The following RAP1GDS1 variants were observed in gnomAD, a reference collection of about 807,000 sequenced individuals.
RAP1GDS1 encodes RAP1, GTP-GDP dissociation stimulator 1.
Under a neutral mutation model 71.1 loss-of-function variants are expected in RAP1GDS1, and 35 were observed. The ratio of observed to expected loss-of-function variants is 0.49; its 90% CI spans 0.38 to 0.65. The LOEUF (loss-of-function observed/expected upper bound fraction) is 0.65. Ranked by LOEUF, RAP1GDS1 falls within the 30% of genes least tolerant of loss-of-function variation. The pLI is 0.00. For synonymous variants in RAP1GDS1, 229 were observed against 243.1 expected (o/e 0.94, Z 0.54); for missense variants, 663 against 706.1 (o/e 0.94, Z 0.69).
intron 1 of RAP1GDS1, among the ~76,000 whole-genome samples, chr4:98,277,666 C>A (rs1560759691): frequency 1.3e-5 from 2 of 152,172 alleles, no homozygotes; most frequent in Non-Finnish European, 2.9e-5. Context: ...GATTTCAAAT[C>A]TCATTCAGTG....
At position 98,277,605 on chromosome 4, in the gene RAP1GDS1, G is replaced by A. The variant is rs527358275; in HGVS notation, c.5-15803G>A. ...TTTTCATAGTCTAACTCATTAAGAC[G>A]GCTTCTGAGTTCTACTGACCTCTCA... On this transcript the variant is annotated intron_variant, in intron 1 of 14. Coordinates refer to ENST00000408927, the MANE Select transcript of RAP1GDS1 (RefSeq NM_001100427.2). Among the ~76,000 whole-genome samples, 6 of 152,070 alleles carry A rather than the reference G, an allele frequency of 3.9e-5. No homozygotes were observed. The South Asian group carries it at 8.3e-4, about 21-fold the overall frequency.
intron 5 of RAP1GDS1, among the ~76,000 whole-genome samples, chr4:98,390,009 A>C (rs1743366482): frequency 6.6e-6 from 1 of 152,164 alleles, no homozygotes; most frequent in Admixed American, 6.6e-5. Context: ...GCTCACGCTT[A>C]CATACCTGAA....
In RAP1GDS1 at chr4:98,391,534, G is replaced by A. The variant is rs563300828; in HGVS notation, c.509-418G>A. Among the ~76,000 whole-genome samples the A allele has an allele frequency of 1.5e-4, 23 of 151,684 alleles. No homozygotes were observed. In the East Asian group the frequency reaches 4.3e-3, roughly 28 times the overall value. On this transcript the variant is annotated intron_variant, in intron 5 of 14. Coordinates refer to ENST00000408927, the MANE Select transcript of RAP1GDS1 (RefSeq NM_001100427.2). The stretch of plus-strand genomic sequence containing the variant: ...GATTCTAAGATTTTTTTCTTTCTTG[G>A]TCTTCATTAAACTTGCTACTTTTCT...
chr4:98,374,433 A>G (rs945176401), intron 4 of RAP1GDS1, among the ~76,000 whole-genome samples: 1 of 152,234 alleles, frequency 6.6e-6, no homozygotes, highest in South Asian at 2.1e-4. Flanking sequence ...TAACGTAGTC[A>G]TTATCGTTAA....
At chr4:98,307,613 T>A (rs112447802) in intron 2 of RAP1GDS1, among the ~76,000 whole-genome samples, 2,950 of 152,282 alleles carry the variant, frequency 0.019, 103 homozygotes, top group African/African-American at 0.067. Context: ...AATATTCCTT[T>A]GTATTTTGCA....
intron 4 of RAP1GDS1, among the ~76,000 whole-genome samples, chr4:98,361,457 A>G (rs1317142839): frequency 6.6e-6 from 1 of 152,194 alleles, no homozygotes; most frequent in Non-Finnish European, 1.5e-5. Flanking sequence ...TTTTGCTAAT[A>G]AAATGATACA....
intron 12 of RAP1GDS1, among the ~76,000 whole-genome samples, chr4:98,428,889 A>G (rs1388123086): frequency 6.6e-6 from 1 of 152,210 alleles, no homozygotes; most frequent in African/African-American, 2.4e-5. Context: ...ATACTTGCAC[A>G]CATGTTTATA....
chr4:98,438,960 T>C (rs1298574258), intron 14 of RAP1GDS1, among the ~76,000 whole-genome samples: 2 of 152,172 alleles, frequency 1.3e-5, no homozygotes, highest in East Asian at 1.9e-4. Context: ...CGTTAGACAG[T>C]GTTACAACTT....
At chr4:98,329,196 TGGG>T (rs764130639) in intron 2 of RAP1GDS1, among the ~76,000 whole-genome samples, 1 of 152,100 alleles carries the variant, frequency 6.6e-6, no homozygotes, top group South Asian at 2.1e-4. Context: ...ATTTTTGAAT[TGGG>T]GGGGCAGTCA....
intron 2 of RAP1GDS1, among the ~76,000 whole-genome samples, chr4:98,300,018 A>G (rs1180239288): frequency 6.6e-6 from 1 of 152,210 alleles, no homozygotes; most frequent in East Asian, 1.9e-4. Context: ...CGTAGTTGAT[A>G]AAACATTGAC....
intron 1 of RAP1GDS1, among the ~76,000 whole-genome samples, chr4:98,262,404 T>G (rs1722145700): frequency 6.6e-6 from 1 of 152,226 alleles, no homozygotes; most frequent in Non-Finnish European, 1.5e-5. Context: ...TCTGAAGAGA[T>G]TGGTTTGGAT....
chr4:98,314,079 G>A (rs1299072732), intron 2 of RAP1GDS1, among the ~76,000 whole-genome samples: 1 of 152,038 alleles, frequency 6.6e-6, no homozygotes, highest in Non-Finnish European at 1.5e-5. Context: ...TTGTACTAAA[G>A]GAGCAAGCAG....
At chr4:98,338,102 A>G (rs1160730789) in intron 2 of RAP1GDS1, among the ~76,000 whole-genome samples, 1 of 152,204 alleles carries the variant, frequency 6.6e-6, no homozygotes, top group African/African-American at 2.4e-5. Flanking sequence ...ATATGAATGT[A>G]GAAAGGAAAA....
intron 4 of RAP1GDS1, among the ~76,000 whole-genome samples, chr4:98,365,796 A>T (rs1311247195): frequency 6.6e-6 from 1 of 152,162 alleles, no homozygotes. Context: ...CTATTGGCAC[A>T]GCAAAGTAAG....
chr4:98,262,951 CT>C (rs1309836114), intron 1 of RAP1GDS1, among the ~76,000 whole-genome samples: 3 of 152,114 alleles, frequency 2.0e-5, no homozygotes, highest in Admixed American at 2.0e-4. Context: ...GTTGTTTTTT[CT>C]TTTTAACGTG....
chr4:98,302,676 A>C (rs1728734446), intron 2 of RAP1GDS1, among the ~76,000 whole-genome samples: 1 of 152,216 alleles, frequency 6.6e-6, no homozygotes, highest in South Asian at 2.1e-4. Flanking sequence ...AGTGTAGGAA[A>C]ACTTTTAGAC....
At chr4:98,347,674 G>A (rs895394411) in intron 3 of RAP1GDS1, among the ~76,000 whole-genome samples, 8 of 152,016 alleles carry the variant, frequency 5.3e-5, no homozygotes, top group Non-Finnish European at 1.0e-4. Flanking sequence ...TCTTTCCCTT[G>A]CAGTACTGCC....
intron 1 of RAP1GDS1, among the ~76,000 whole-genome samples, chr4:98,265,359 T>C (rs1177768897): frequency 6.6e-6 from 1 of 152,184 alleles, no homozygotes; most frequent in African/African-American, 2.4e-5. Context: ...ATTTTGGACC[T>C]ATTGCATTAG....
chr4:98,327,635 C>G (rs4699623), intron 2 of RAP1GDS1, among the ~76,000 whole-genome samples: 10,160 of 152,178 alleles, frequency 0.067, 394 homozygotes, highest in Admixed American at 0.14. Context: ...CCCTTTTGAT[C>G]AAGATCTTTC....
Sources: allele counts gnomAD v4.1 joint callset (sites outside exome capture counted in the v4.1 genomes callset), GRCh38; gene constraint gnomAD v4.1.1; transcripts MANE v1.5; gene names NCBI Gene and HGNC (gene_info 2026-07-23, HGNC 2026-07-21).